Variants in KCNH5 observed in about 807,000 individuals in gnomAD.
The protein encoded by KCNH5 is voltage-gated delayed rectifier potassium channel KCNH5.
In KCNH5, 46 loss-of-function variants were observed where a neutral mutation model predicts 96.1. That is an observed-to-expected ratio of 0.48 (90% CI 0.38 to 0.61). The LOEUF is 0.61. KCNH5 is among the 20% of genes least tolerant of loss of function. The pLI is 0.00. For missense variants in KCNH5, 907 were observed against 1,225.8 expected (o/e 0.74, Z 3.88); for synonymous variants, 439 against 449.8 (o/e 0.98, Z 0.30).
chr14:62,840,569 T>TC (rs1887563283), intron 8 of KCNH5, among the ~76,000 whole-genome samples: 1 of 46,392 alleles, frequency 2.2e-5, no homozygotes, highest in Admixed American at 1.6e-4. Flanking sequence ...TTTTTTTCTT[T>TC]TTTTTTTTTT....
intron 10 of KCNH5, among the ~76,000 whole-genome samples, chr14:62,774,741 C>T (rs750913692): frequency 6.6e-6 from 1 of 152,096 alleles, no homozygotes; most frequent in Non-Finnish European, 1.5e-5. Flanking sequence ...CTTTCCTCTG[C>T]TTCTCTCTCA....
intron 7 of KCNH5, among the ~76,000 whole-genome samples, chr14:62,910,327 G>A (rs1889125018): frequency 1.3e-5 from 2 of 152,010 alleles, no homozygotes; most frequent in Admixed American, 1.3e-4. Flanking sequence ...GAAAACAGAT[G>A]CTCATTTTCA....
rs1451092846 is a variant in KCNH5, at chr14:62,707,313, C to T, written c.*195G>A. 3.1e-6 allele frequency: 1 copy of T among 326,454 alleles called. No individual in the cohort carries two copies. Among genetic ancestry groups the T allele is most frequent in the African/African-American group, 2.1e-5 (1 of 47,092 alleles). 20.2% of individuals were successfully genotyped at this position (326,454 alleles called of 1,614,324 possible). Reference sequence around the variant, plus strand: ...TGCATGCAGTCAACTGCATAATATACAAGCAATATCTATGTTTTTAATCAT... The same window carrying T: ...TGCATGCAGTCAACTGCATAATATATAAGCAATATCTATGTTTTTAATCAT... On this transcript the variant is annotated 3_prime_UTR_variant, in exon 11 of 11. Transcript: ENST00000322893.
intron 3 of KCNH5, 78 bp downstream of exon 3, chr14:63,006,288 A>G (rs1473936728): frequency 1.2e-6 from 1 of 845,554 alleles, no homozygotes; most frequent in African/African-American, 1.7e-5. Context: ...TGCTCTCTAC[A>G]TTTTAGCTCC....
At position 62,818,110 on chromosome 14, in the gene KCNH5, G is replaced by T. The variant is rs1002927068; in HGVS notation, c.1570-15529C>A. 2.4e-4 allele frequency among the ~76,000 whole-genome samples: 16 copies of T among 67,286 alleles called. 1 individual carries two copies. Among genetic ancestry groups the T allele is most frequent in the African/African-American group, 1.0e-3 (14 of 13,886 alleles). 44.1% of individuals were successfully genotyped at this position (67,286 alleles called of 152,430 possible). ...AGGGTGGCTACCAGGAGCTGGGGGC[G>T]GGGGGGGGGTGGAAGAAATGGGGAG... On this transcript the variant is annotated intron_variant, in intron 8 of 10. Transcript: ENST00000322893.
At chr14:62,957,177 A>G (rs968675010) in intron 6 of KCNH5, among the ~76,000 whole-genome samples, 23 of 152,168 alleles carry the variant, frequency 1.5e-4, no homozygotes, top group African/African-American at 5.3e-4. Flanking sequence ...TGTGCCATTA[A>G]CCCTTCAAGT....
Position 63,001,385 on chromosome 14 carries a change from T to C in KCNH5, c.379A>G (p.Thr127Ala). 4 of 1,613,076 alleles carry C rather than the reference T, an allele frequency of 2.5e-6. 1 individual carries two copies. The South Asian group carries it at 4.4e-5, about 18-fold the overall frequency. The change falls in exon 4 of 11, where the codon ACT (threonine) becomes GCT (alanine). Residue 127 changes from threonine (T) to alanine (A), a missense_variant. Physicochemically the swap from Thr to Ala is moderately conservative, Grantham distance 58. Transcript: ENST00000322893. ...EHEKVVLFLCTFKDITLFKQP... is the reference protein window; with the variant it reads ...EHEKVVLFLCAFKDITLFKQP... ...TTGAACAACGTAATATCCTTGAAAG[T>C]ACACAGGAACAAGACCACCTTTTCA... is the stretch of plus-strand genomic sequence containing the variant.
At chr14:63,028,948 T>G (rs5010675) in intron 1 of KCNH5, among the ~76,000 whole-genome samples, 36,165 of 151,928 alleles carry the variant, frequency 0.24, 5,515 homozygotes, top group East Asian at 0.51. Context: ...TTTTTAAAAA[T>G]GTAGTCTAGG....
chr14:62,864,230 A>ATAAC (rs1373524258), intron 7 of KCNH5, among the ~76,000 whole-genome samples: 15 of 152,230 alleles, frequency 9.9e-5, no homozygotes, highest in African/African-American at 2.9e-4. Context: ...TTATTTTACA[A>ATAAC]TAACCCTGAA....
At chr14:62,983,600 G>T (rs1295392799) in intron 5 of KCNH5, among the ~76,000 whole-genome samples, 1 of 152,134 alleles carries the variant, frequency 6.6e-6, no homozygotes, top group Non-Finnish European at 1.5e-5. Flanking sequence ...ACAGATGTAA[G>T]CCCTGCTCAG....
chr14:63,001,624 T>C (rs1308679516), intron 3 of KCNH5, among the ~76,000 whole-genome samples, 165 bp from the exon 4 acceptor site: 3 of 152,248 alleles, frequency 2.0e-5, no homozygotes, highest in African/African-American at 7.2e-5. Flanking sequence ...AAACCTTTAA[T>C]TTTGTATCAA....
chr14:62,980,020 G>A (rs977707374), intron 6 of KCNH5, among the ~76,000 whole-genome samples: 4 of 152,164 alleles, frequency 2.6e-5, no homozygotes, highest in South Asian at 2.1e-4. Flanking sequence ...TGCTGTTCCC[G>A]TGACAGTGAG....
intron 8 of KCNH5, among the ~76,000 whole-genome samples, chr14:62,819,600 A>G (rs748609205): frequency 3.0e-4 from 45 of 152,206 alleles, no homozygotes; most frequent in Admixed American, 1.5e-3. Flanking sequence ...TTTTTAAATA[A>G]TGAATTTTAT....
chr14:62,733,190 A>G (rs766638926), intron 10 of KCNH5, among the ~76,000 whole-genome samples: 8 of 152,120 alleles, frequency 5.3e-5, no homozygotes, highest in Non-Finnish European at 1.2e-4. Flanking sequence ...AATAGTTTAT[A>G]TAATATAGTG....
intron 7 of KCNH5, among the ~76,000 whole-genome samples, chr14:62,877,274 A>G (rs921403642): frequency 4.3e-4 from 65 of 151,794 alleles, no homozygotes; most frequent in African/African-American, 1.6e-3. Flanking sequence ...CATTCAGGAC[A>G]TAGGCATGGG....
chr14:62,911,030 C>T (rs1889142908), intron 7 of KCNH5, among the ~76,000 whole-genome samples: 1 of 151,888 alleles, frequency 6.6e-6, no homozygotes, highest in Non-Finnish European at 1.5e-5. Context: ...TCTATTTTCT[C>T]TCTTCCCTCA....
At chr14:62,923,321 A>G (rs1889413599) in intron 7 of KCNH5, among the ~76,000 whole-genome samples, 1 of 151,956 alleles carries the variant, frequency 6.6e-6, no homozygotes, top group South Asian at 2.1e-4. Context: ...GAAATTGAAG[A>G]AGACACAAAT....
chr14:62,898,502 G>A (rs538411759), intron 7 of KCNH5, among the ~76,000 whole-genome samples: 1 of 152,018 alleles, frequency 6.6e-6, no homozygotes, highest in African/African-American at 2.4e-5. Flanking sequence ...TTACAGACAT[G>A]AATTTAAATG....
At chr14:62,742,465 G>A (rs1885290413) in intron 10 of KCNH5, among the ~76,000 whole-genome samples, 1 of 101,098 alleles carries the variant, frequency 9.9e-6, no homozygotes, top group Admixed American at 9.5e-5. Flanking sequence ...TTCAATCCTG[G>A]CGCACATTAG....
Sources: allele counts gnomAD v4.1 joint callset (sites outside exome capture counted in the v4.1 genomes callset), GRCh38; gene constraint gnomAD v4.1.1; transcripts MANE v1.5; gene names NCBI Gene and HGNC (gene_info 2026-07-23, HGNC 2026-07-21).